Variants in MAPK10 observed in about 807,000 individuals in gnomAD.
MAPK10 encodes the protein JNK3 alpha protein kinase.
MAPK10 carries 25 observed loss-of-function variants against 59.3 expected under a neutral mutation model. That is an observed-to-expected ratio of 0.42 (90% CI 0.31 to 0.59). The LOEUF is 0.59. Among genes scored for constraint, MAPK10 ranks in the 20% least tolerant of loss-of-function variants. The pLI is 0.15. For synonymous variants in MAPK10, 190 were observed against 200.5 expected (o/e 0.95, Z 0.44); for missense variants, 351 against 568.9 (o/e 0.62, Z 3.90).
chr4:86,458,184 C>T (rs1255679117), upstream of MAPK10, among the ~76,000 whole-genome samples: 1 of 151,956 alleles, frequency 6.6e-6, no homozygotes, highest in Non-Finnish European at 1.5e-5. Context: ...CCTGTAATCC[C>T]AGCTACTTAG....
rs189438231 is a variant in MAPK10, at chr4:86,076,467, G to C, written c.803-8512C>G. Among the ~76,000 whole-genome samples the C allele has an allele frequency of 4.1e-3, 631 of 152,232 alleles. 3 individuals are homozygous for C. The highest frequency in any genetic ancestry group is 6.7e-3 in the Non-Finnish European group (458 of 68,006). On this transcript the variant is annotated intron_variant, in intron 9 of 13. Coordinates refer to ENST00000641462, the MANE Select transcript of MAPK10 (RefSeq NM_138982.4). The stretch of plus-strand genomic sequence containing the variant: ...ATTAACCTAACATAAACGAAGACTG[G>C]AACTCCTATCTCCTGTTTCCATGTT...
intron 1 of MAPK10, among the ~76,000 whole-genome samples, chr4:86,436,999 T>C (rs574564013): frequency 5.3e-5 from 8 of 151,900 alleles, no homozygotes; most frequent in Non-Finnish European, 8.8e-5. Context: ...GATCACGAGG[T>C]CAGGAGATCG....
chr4:86,132,030 A>T (rs908706378), intron 4 of MAPK10, among the ~76,000 whole-genome samples: 1 of 152,332 alleles, frequency 6.6e-6, no homozygotes, highest in African/African-American at 2.4e-5. Context: ...GTCCTAGTCC[A>T]TAAAGTCTAA....
chr4:86,033,384 C>T (rs989154930), intron 11 of MAPK10, among the ~76,000 whole-genome samples: 4 of 152,196 alleles, frequency 2.6e-5, no homozygotes, highest in African/African-American at 9.6e-5. Flanking sequence ...GAGCTGTTGG[C>T]ACCTCCTTCT....
chr4:86,467,664 C>T (rs1268172953), intron 1 of MAPK10, among the ~76,000 whole-genome samples: 2 of 152,168 alleles, frequency 1.3e-5, no homozygotes, highest in African/African-American at 2.4e-5. Context: ...GGATTACAGG[C>T]ATGTGCCACC....
At chr4:86,089,878 ATTC>A (rs902680094) in intron 9 of MAPK10, among the ~76,000 whole-genome samples, 42 of 152,286 alleles carry the variant, frequency 2.8e-4, no homozygotes, top group African/African-American at 1.0e-3. Context: ...GCCTTGTCTT[ATTC>A]TTATAAACAC....
At chr4:86,219,833 G>A (rs1201879371) in intron 2 of MAPK10, 2 of 152,078 alleles carry the variant, frequency 1.3e-5, no homozygotes, top group Non-Finnish European at 2.9e-5. Context: ...ATAAACCAAA[G>A]CAAGTTATAG....
At chr4:86,120,587 C>T (rs1358284952) in intron 4 of MAPK10, 1 of 152,208 alleles carries the variant, frequency 6.6e-6, no homozygotes, top group African/African-American at 2.4e-5. Context: ...ATATTAACTT[C>T]ATCTCAGTAA....
At chr4:86,315,954 T>C (rs1039322558) in intron 2 of MAPK10, among the ~76,000 whole-genome samples, 1 of 152,218 alleles carries the variant, frequency 6.6e-6, no homozygotes, top group Non-Finnish European at 1.5e-5. Context: ...TAAAAAGTTG[T>C]ATACTTAAGA....
intron 1 of MAPK10, among the ~76,000 whole-genome samples, chr4:86,388,510 T>G (rs1222883596): frequency 3.9e-5 from 6 of 152,186 alleles, no homozygotes; most frequent in African/African-American, 1.4e-4. Context: ...GACTTTTATT[T>G]ACTGCTCCTT....
intron 1 of MAPK10, among the ~76,000 whole-genome samples, chr4:86,469,151 G>A (rs777381429): frequency 9.2e-5 from 14 of 151,998 alleles, no homozygotes; most frequent in Non-Finnish European, 1.6e-4. Context: ...ATCAATTCTA[G>A]CTACTTGGGA....
chr4:86,422,852 A>G (rs904655338), intron 1 of MAPK10, among the ~76,000 whole-genome samples: 1 of 152,242 alleles, frequency 6.6e-6, no homozygotes, highest in Non-Finnish European at 1.5e-5. Context: ...CGTAGCAAAC[A>G]GGAATTATAT....
intron 1 of MAPK10, among the ~76,000 whole-genome samples, chr4:86,518,316 C>G (rs899533326): frequency 6.6e-6 from 1 of 152,244 alleles, no homozygotes; most frequent in Admixed American, 6.5e-5. Flanking sequence ...AGCCACCACA[C>G]CTGGCCTCTT....
chr4:86,192,593 A>T (rs1337821814), intron 3 of MAPK10: 1 of 151,894 alleles, frequency 6.6e-6, no homozygotes, highest in African/African-American at 2.4e-5. Context: ...TGCTTCACGA[A>T]GTTCTCACGC....
At chr4:86,551,993 T>G (rs1272290692) in intron 1 of MAPK10, among the ~76,000 whole-genome samples, 1 of 152,206 alleles carries the variant, frequency 6.6e-6, no homozygotes, top group Non-Finnish European at 1.5e-5. Flanking sequence ...GGATTAAAGG[T>G]AGATATTTAT....
chr4:86,465,529 C>T (rs543338095), intron 1 of MAPK10, among the ~76,000 whole-genome samples: 69 of 152,178 alleles, frequency 4.5e-4, no homozygotes, highest in African/African-American at 1.4e-3. Context: ...TTGAGCCTGC[C>T]GAAAGGCAAG....
chr4:86,488,300 T>C (rs1754178906), intron 1 of MAPK10, among the ~76,000 whole-genome samples: 2 of 152,176 alleles, frequency 1.3e-5, no homozygotes, highest in South Asian at 4.1e-4. Context: ...GAACCTATTG[T>C]AAGATGTCCC....
intron 1 of MAPK10, among the ~76,000 whole-genome samples, chr4:86,502,999 A>G (rs1025494520): frequency 1.3e-5 from 2 of 152,108 alleles, no homozygotes; most frequent in Admixed American, 6.6e-5. Context: ...AGAAGATTAC[A>G]GTTTCCAATG....
chr4:86,220,312 T>A (rs781087066), intron 2 of MAPK10, among the ~76,000 whole-genome samples: 4 of 152,152 alleles, frequency 2.6e-5, no homozygotes, highest in Non-Finnish European at 4.4e-5. Context: ...GAGTTACTCA[T>A]GCTAAATGCG....
Sources: gnomAD v4.1 joint callset for allele counts (sites outside exome capture counted in the v4.1 genomes callset) on GRCh38, gnomAD v4.1.1 for gene constraint, MANE v1.5 for transcripts, NCBI Gene and HGNC (gene_info 2026-07-23, HGNC 2026-07-21) for gene names.